The following LPP variants were observed in gnomAD, a reference collection of about 807,000 sequenced individuals.
LPP encodes the protein LIM domain containing preferred translocation partner in lipoma, also known as lipoma-preferred partner.
A neutral mutation model predicts 60.4 loss-of-function variants in LPP; 38 were observed. The ratio of observed to expected loss-of-function variants is 0.63; its 90% CI spans 0.49 to 0.83. LPP has a LOEUF of 0.83. Among genes scored for constraint, LPP ranks in the 40% least tolerant of loss-of-function variants. LPP has a pLI of 0.00. For synonymous variants in LPP, 328 were observed against 290.8 expected (o/e 1.13, Z -1.30); for missense variants, 902 against 783.6 (o/e 1.15, Z -1.80).
intron 9 of LPP, among the ~76,000 whole-genome samples, chr3:188,772,160 T>A (rs572572452): frequency 6.6e-6 from 1 of 152,312 alleles, no homozygotes; most frequent in Non-Finnish European, 1.5e-5. Flanking sequence ...TTATCTCCCA[T>A]CAGCTCTCCT....
At chr3:188,517,264 T>G (rs946632936) in intron 5 of LPP, among the ~76,000 whole-genome samples, 1 of 152,232 alleles carries the variant, frequency 6.6e-6, no homozygotes, top group Non-Finnish European at 1.5e-5. Flanking sequence ...AGTATTCTTT[T>G]TTATTAGGGA....
At chr3:188,559,754 A>C (rs1306410098) in intron 6 of LPP, among the ~76,000 whole-genome samples, 2 of 152,066 alleles carry the variant, frequency 1.3e-5, no homozygotes, top group Admixed American at 1.3e-4. Flanking sequence ...GTTTACTTTT[A>C]AAAAGCTACC....
intron 5 of LPP, among the ~76,000 whole-genome samples, chr3:188,497,816 C>T (rs1810684611): frequency 6.6e-6 from 1 of 152,120 alleles, no homozygotes; most frequent in Non-Finnish European, 1.5e-5. Context: ...TTCCTTTTAG[C>T]TCATTGAAAG....
In LPP at chr3:188,708,306, C is replaced by G; in HGVS notation, c.1153C>G (p.Pro385Ala). 6.2e-7 allele frequency: 1 copy of G among 1,614,128 alleles called. No individual in the cohort carries two copies. Residue 385 changes from proline (P) to alanine (A), a missense_variant, in exon 8 of 12, where the codon CCT (proline) becomes GCT (alanine). Transcript: ENST00000617246. Reference protein sequence around the residue: ...SGQLGPSSVAPSFRPEDELEH... With the variant: ...SGQLGPSSVAASFRPEDELEH... ...GCAACTGGGGCCTTCGTCAGTTGCC[C>G]CTTCATTCCGCCCAGAGGATGAGCT... is the stretch of plus-strand genomic sequence containing the variant.
intron 7 of LPP, among the ~76,000 whole-genome samples, chr3:188,628,508 AT>A (rs1249981361): frequency 2.6e-5 from 4 of 152,160 alleles, no homozygotes; most frequent in Non-Finnish European, 4.4e-5. Context: ...GAAGAAATGA[AT>A]AAATTCCTGG....
At chr3:188,753,574 T>TGTGC (rs201380641) in intron 8 of LPP, among the ~76,000 whole-genome samples, 39 of 121,858 alleles carry the variant, frequency 3.2e-4, no homozygotes, top group South Asian at 8.0e-4. Flanking sequence ...TTTGGCTTGT[T>TGTGC]GTGTGCGTGT....
intron 5 of LPP, among the ~76,000 whole-genome samples, chr3:188,516,784 C>T: frequency 6.6e-6 from 1 of 151,950 alleles, no homozygotes; most frequent in East Asian, 1.9e-4. Context: ...TCTTGGGCCT[C>T]ACCCAAGATG....
At chr3:188,604,910 C>G (rs1842106099) in intron 6 of LPP, among the ~76,000 whole-genome samples, 1 of 152,160 alleles carries the variant, frequency 6.6e-6, no homozygotes, top group Admixed American at 6.6e-5. Context: ...ACCTGACATT[C>G]AGCTTGAGAT....
chr3:188,664,085 T>C (rs1855220457), intron 7 of LPP, among the ~76,000 whole-genome samples: 3 of 152,206 alleles, frequency 2.0e-5, no homozygotes, highest in Admixed American at 2.0e-4. Context: ...AACCACATAT[T>C]GTCACTTGTC....
intron 2 of LPP, among the ~76,000 whole-genome samples, chr3:188,258,880 T>C (rs1357902692): frequency 6.6e-6 from 1 of 152,176 alleles, no homozygotes; most frequent in Non-Finnish European, 1.5e-5. Flanking sequence ...TATATTTTTT[T>C]GAGATGTCTT....
chr3:188,365,691 T>C (rs2150997268), intron 3 of LPP, among the ~76,000 whole-genome samples: 1 of 151,668 alleles, frequency 6.6e-6, no homozygotes, highest in South Asian at 2.1e-4. Flanking sequence ...CTTCTTCTTT[T>C]TTTTTTTTTT....
chr3:188,848,498 G>A (rs983650299), intron 9 of LPP, among the ~76,000 whole-genome samples: 1 of 152,240 alleles, frequency 6.6e-6, no homozygotes, highest in Non-Finnish European at 1.5e-5. Flanking sequence ...AGATGCTGGA[G>A]CAAGGAAGTC....
intron 9 of LPP, among the ~76,000 whole-genome samples, chr3:188,815,091 A>G (rs984297763): frequency 2.0e-5 from 3 of 152,230 alleles, no homozygotes; most frequent in African/African-American, 7.2e-5. Flanking sequence ...TTTAGCCAAC[A>G]TGTGTTGGCA....
intron 6 of LPP, among the ~76,000 whole-genome samples, chr3:188,592,557 G>GTTTGTTTGTTTTT (rs1260656926): frequency 1.2e-5 from 1 of 85,754 alleles, no homozygotes; most frequent in African/African-American, 4.5e-5. Flanking sequence ...TTTTGTTTTT[G>GTTTGTTTGTTTTT]TTTTTTAAAT....
intron 8 of LPP, among the ~76,000 whole-genome samples, chr3:188,735,572 T>C (rs111605633): frequency 0.23 from 34,189 of 151,676 alleles, 4,331 homozygotes; most frequent in Middle Eastern, 0.43. Flanking sequence ...TTATTAGAGA[T>C]GGGGTTTCAC....
chr3:188,429,477 A>C (rs2149131489), intron 4 of LPP, among the ~76,000 whole-genome samples: 1 of 152,318 alleles, frequency 6.6e-6, no homozygotes, highest in African/African-American at 2.4e-5. Flanking sequence ...TTAGGTTTGC[A>C]TTGGCCTTAC....
At chr3:188,348,985 T>C (rs1476584583) in intron 3 of LPP, among the ~76,000 whole-genome samples, 1 of 152,174 alleles carries the variant, frequency 6.6e-6, no homozygotes, top group East Asian at 1.9e-4. Context: ...TTCATTTCCT[T>C]AGAAGTTACT....
At chr3:188,504,931 G>C (rs1178916101) in intron 5 of LPP, among the ~76,000 whole-genome samples, 2 of 152,130 alleles carry the variant, frequency 1.3e-5, no homozygotes, top group African/African-American at 4.8e-5. Flanking sequence ...TCAGTCCACA[G>C]ATCCTTGATA....
intron 9 of LPP, among the ~76,000 whole-genome samples, chr3:188,784,136 C>T (rs1380490026): frequency 1.3e-5 from 2 of 151,682 alleles, no homozygotes; most frequent in Non-Finnish European, 2.9e-5. Flanking sequence ...TTTGCGTCCT[C>T]GTGGCTTAGC....
Sources: allele counts gnomAD v4.1 joint callset (sites outside exome capture counted in the v4.1 genomes callset), GRCh38; gene constraint gnomAD v4.1.1; transcripts MANE v1.5; gene names NCBI Gene and HGNC (gene_info 2026-07-23, HGNC 2026-07-21).